DLGAP2: variants seen among roughly 807,000 people sequenced by gnomAD.
DLGAP2 encodes disks large-associated protein 2.
A neutral mutation model predicts 100.3 loss-of-function variants in DLGAP2; 26 were observed. The ratio of observed to expected loss-of-function variants is 0.26; its 90% confidence interval spans 0.19 to 0.36. The LOEUF (loss-of-function observed/expected upper bound fraction) is 0.36, where lower values mean the gene tolerates loss of function less well. Among genes scored for constraint, DLGAP2 ranks in the 10% least tolerant of loss-of-function variants. DLGAP2 has a pLI of 1.00. For missense variants in DLGAP2, 1,858 were observed against 1,453.2 expected (o/e 1.28, Z -4.53); for synonymous variants, 886 against 630.1 (o/e 1.41, Z -6.08).
intron 1 of DLGAP2, among the ~76,000 whole-genome samples, chr8:878,242 A>G (rs939262737): frequency 2.0e-5 from 3 of 152,188 alleles, no homozygotes; most frequent in Non-Finnish European, 4.4e-5. Flanking sequence ...GGAATAATTA[A>G]TAGAAACAAA....
At chr8:1,255,340 A>C (rs1164233952) in intron 2 of DLGAP2, among the ~76,000 whole-genome samples, 6 of 45,294 alleles carry the variant, frequency 1.3e-4, no homozygotes, top group Non-Finnish European at 1.4e-4. Context: ...GTGCCCTCTC[A>C]TCCTGCCTGG....
chr8:1,141,497 G>A (rs912229297), intron 2 of DLGAP2, among the ~76,000 whole-genome samples: 1 of 152,092 alleles, frequency 6.6e-6, no homozygotes, highest in Non-Finnish European at 1.5e-5. Context: ...AAAGAAAAAT[G>A]TAATCCAGAA....
chr8:1,511,307 G>T (rs1800152338), intron 4 of DLGAP2, among the ~76,000 whole-genome samples: 1 of 150,406 alleles, frequency 6.6e-6, no homozygotes, highest in Non-Finnish European at 1.5e-5. Flanking sequence ...GGACGTAAGG[G>T]CTGTCTAGTG....
At chr8:1,128,859 C>T (rs1206612701) in intron 2 of DLGAP2, among the ~76,000 whole-genome samples, 1 of 152,108 alleles carries the variant, frequency 6.6e-6, no homozygotes, top group Non-Finnish European at 1.5e-5. Flanking sequence ...TAGTTTTTGG[C>T]TGATGGAAAT....
At chr8:1,042,234 G>A (rs1802375270) in intron 2 of DLGAP2, among the ~76,000 whole-genome samples, 1 of 152,216 alleles carries the variant, frequency 6.6e-6, no homozygotes, top group African/African-American at 2.4e-5. Context: ...GCTGTGGAGA[G>A]TGGAAGCAGG....
intron 2 of DLGAP2, among the ~76,000 whole-genome samples, chr8:1,009,207 C>T (rs1801207907): frequency 1.3e-5 from 2 of 152,208 alleles, no homozygotes; most frequent in Admixed American, 6.5e-5. Context: ...CCTCCCAGTT[C>T]TGTCCCCCAA....
Position 1,111,570 on chromosome 8 carries a change from C to T in DLGAP2, c.74-147281C>T, listed in dbSNP as rs191089764. 2.9e-3 allele frequency among the ~76,000 whole-genome samples: 435 copies of T among 152,182 alleles called. 6 individuals are homozygous for T. Among genetic ancestry groups the T allele is most frequent in the African/African-American group, 9.9e-3 (412 of 41,526 alleles). ...CTCCCCGCTCCCATATGCCACCCTC[C>T]GATAGACCCCAGAGTGTGTTCTTCC... On this transcript the variant is annotated intron_variant, in intron 2 of 14. Coordinates refer to ENST00000637795, the MANE Select transcript of DLGAP2 (RefSeq NM_001346810.2).
chr8:1,673,588 C>T (rs1023047125), intron 10 of DLGAP2, among the ~76,000 whole-genome samples: 2 of 152,192 alleles, frequency 1.3e-5, no homozygotes, highest in Non-Finnish European at 2.9e-5. Flanking sequence ...CCACTATTCA[C>T]GTGACCGTCC....
At chr8:881,008 C>T (rs538599498) in intron 1 of DLGAP2, among the ~76,000 whole-genome samples, 136 of 152,198 alleles carry the variant, frequency 8.9e-4, no homozygotes, top group Non-Finnish European at 1.8e-3. Flanking sequence ...TTGATAGGTG[C>T]TCAGTAAGTG....
chr8:888,570 T>G (rs2128995079), intron 1 of DLGAP2, among the ~76,000 whole-genome samples: 1 of 152,234 alleles, frequency 6.6e-6, no homozygotes, highest in African/African-American at 2.4e-5. Flanking sequence ...TGGGGGCCAT[T>G]TTTGTTGTTG....
chr8:1,427,750 C>T (rs1469745870), intron 3 of DLGAP2, among the ~76,000 whole-genome samples: 1 of 152,200 alleles, frequency 6.6e-6, no homozygotes, highest in East Asian at 1.9e-4. Flanking sequence ...TGCCCTTCAT[C>T]TCCCACCATG....
chr8:1,347,384 G>A (rs932081995), intron 3 of DLGAP2, among the ~76,000 whole-genome samples: 4 of 151,584 alleles, frequency 2.6e-5, no homozygotes, highest in Non-Finnish European at 5.9e-5. Context: ...TTGCTCTCAT[G>A]GTAGCTGTGT....
intron 2 of DLGAP2, among the ~76,000 whole-genome samples, chr8:1,147,538 CT>C (rs66900715): frequency 0.038 from 5,534 of 144,266 alleles, 134 homozygotes; most frequent in Middle Eastern, 0.094. Context: ...ATACCTTCTT[CT>C]TTTTTTTTTT....
At chr8:1,118,121 G>T (rs1795937237) in intron 2 of DLGAP2, among the ~76,000 whole-genome samples, 1 of 152,178 alleles carries the variant, frequency 6.6e-6, no homozygotes, top group African/African-American at 2.4e-5. Flanking sequence ...ACAGAGGAGC[G>T]GGCGGAGTGG....
At chr8:751,897 C>T (rs113786280) in intron 1 of DLGAP2, among the ~76,000 whole-genome samples, 7 of 151,708 alleles carry the variant, frequency 4.6e-5, no homozygotes, top group Non-Finnish European at 4.4e-5. Flanking sequence ...GTTCATCTGA[C>T]ACTTCATAGT....
chr8:1,431,559 G>A (rs77116569), intron 3 of DLGAP2, among the ~76,000 whole-genome samples: 3,352 of 152,304 alleles, frequency 0.022, 113 homozygotes, highest in African/African-American at 0.076. Flanking sequence ...GTTCATGCAC[G>A]AGTTCCCAGG....
intron 3 of DLGAP2, among the ~76,000 whole-genome samples, chr8:1,494,430 T>C (rs1346529683): frequency 6.6e-6 from 1 of 152,194 alleles, no homozygotes; most frequent in African/African-American, 2.4e-5. Context: ...GGCAGGTCTT[T>C]AAGAAATGAG....
At chr8:1,632,420 C>T (rs1047903912) in intron 7 of DLGAP2, among the ~76,000 whole-genome samples, 1 of 152,176 alleles carries the variant, frequency 6.6e-6, no homozygotes, top group Non-Finnish European at 1.5e-5. Context: ...TGCCTGGAGC[C>T]ATCGTGCCAT....
chr8:1,202,462 T>G (rs1239725573), intron 2 of DLGAP2, among the ~76,000 whole-genome samples: 2 of 152,118 alleles, frequency 1.3e-5, no homozygotes, highest in African/African-American at 4.8e-5. Context: ...TTTCTTATAA[T>G]GGGGAATCAT....
Sources: gnomAD v4.1 joint callset for allele counts (sites outside exome capture counted in the v4.1 genomes callset) on GRCh38, gnomAD v4.1.1 for gene constraint, MANE v1.5 for transcripts, NCBI Gene and HGNC (gene_info 2026-07-23, HGNC 2026-07-21) for gene names.